The following NBPF6 variants were observed in gnomAD, a reference collection of about 807,000 sequenced individuals.
NBPF6 encodes the protein NBPF member 6.
NBPF6 carries 2 observed loss-of-function variants against 20.8 expected under a neutral mutation model. The ratio of observed to expected loss-of-function variants is 0.10; its 90% CI spans 0.04 to 0.30. NBPF6 has a LOEUF of 0.30. NBPF6 is among the 10% of genes least tolerant of loss of function. NBPF6 has a pLI of 1.00. For synonymous variants in NBPF6, 24 were observed against 100.0 expected, an observed-to-expected ratio of 0.24 and a Z score of 4.53; for missense variants, 85 against 260.3, an observed-to-expected ratio of 0.33 and a Z score of 4.63.
upstream of NBPF6, among the ~76,000 whole-genome samples, chr1:108,447,846 A>G (rs1166913028): frequency 1.4e-5 from 2 of 146,282 alleles, no homozygotes; most frequent in Admixed American, 6.7e-5. Flanking sequence ...AAGATTAAAA[A>G]CAAAAGTTTG....
chr1:108,430,182 G>A, the NBPF6 span, among the ~76,000 whole-genome samples: 6 of 33,788 alleles, frequency 1.8e-4, no homozygotes, highest in African/African-American at 3.5e-4. Context: ...CATTTGCTTG[G>A]TAAATTTTCC....
At chr1:108,447,840 T>C (rs1202421687), upstream of NBPF6, among the ~76,000 whole-genome samples, 5 of 145,704 alleles carry the variant, frequency 3.4e-5, no homozygotes, top group Non-Finnish European at 6.1e-5. Flanking sequence ...CAGACAAAGA[T>C]TAAAAACAAA....
chr1:108,438,193 TA>T, the NBPF6 span, among the ~76,000 whole-genome samples: 4 of 66,016 alleles, frequency 6.1e-5, 1 homozygote, highest in Non-Finnish European at 9.3e-5. Flanking sequence ...GTGTCAGAAA[TA>T]AAAAGTATCA....
the NBPF6 span, among the ~76,000 whole-genome samples, chr1:108,438,010 AAATC>A: frequency 1.6e-5 from 1 of 60,618 alleles, no homozygotes; most frequent in African/African-American, 6.6e-5. Flanking sequence ...GAAATAATAA[AAATC>A]AAAGCAGGAG....
Position 108,471,360 on chromosome 1 carries a change from T to C in NBPF6, c.*722T>C, listed in dbSNP as rs1301802724. Reference sequence around the variant, plus strand: ...AGCCTAAACATTTTGCCAGGAACTCTGCAGAGTCCATGCTGTGAGCTTCCT... The same window carrying C: ...AGCCTAAACATTTTGCCAGGAACTCCGCAGAGTCCATGCTGTGAGCTTCCT... On this transcript the variant is annotated 3_prime_UTR_variant, in exon 15 of 15. Coordinates refer to ENST00000495380, the MANE Select transcript of NBPF6 (RefSeq NM_001143988.2). Among the ~76,000 whole-genome samples the C allele has an allele frequency of 1.3e-5, 2 of 152,164 alleles. No individual in the cohort carries two copies. Among genetic ancestry groups the C allele is most frequent in the East Asian group, 3.8e-4 (2 of 5,196 alleles).
At chr1:108,469,769 T>A (rs1242502045) in intron 14 of NBPF6, among the ~76,000 whole-genome samples, 1 of 147,736 alleles carries the variant, frequency 6.8e-6, no homozygotes, top group Admixed American at 6.7e-5. Flanking sequence ...TTGAGTCTCT[T>A]TTTTTAAACT....
the NBPF6 span, among the ~76,000 whole-genome samples, chr1:108,437,853 A>C: frequency 2.6e-5 from 1 of 38,048 alleles, no homozygotes. Context: ...GGAGAGAAAG[A>C]GAAAGGGAGA....
chr1:108,465,310 C>G lies in NBPF6; in HGVS notation c.1546C>G (p.Leu516Val), dbSNP rs1486703527. ...CACCCTGGTGCCCAGTTGTCTGCGACTACAGCTGGATCAAGGGTTCCACTG... is the reference window on the plus strand; with the variant it reads ...CACCCTGGTGCCCAGTTGTCTGCGAGTACAGCTGGATCAAGGGTTCCACTG... ...PSTLVPSCLRLQLDQGFHCGN... is the reference protein window; with the variant it reads ...PSTLVPSCLRVQLDQGFHCGN... The change falls in exon 13 of 15, where the codon CTA (leucine) becomes GTA (valine). Residue 516 changes from leucine (L) to valine (V), a missense_variant. Leu to Val is a conservative substitution (Grantham distance 32, BLOSUM62 1). This residue lies in a region of NBPF6 where 43 missense variants were observed against 97.3 expected (regional missense o/e 0.44). Coordinates refer to ENST00000495380, the MANE Select transcript of NBPF6 (RefSeq NM_001143988.2). 1 of 1,178,424 alleles carries G rather than the reference C, an allele frequency of 8.5e-7. No individual in the cohort carries two copies. Among genetic ancestry groups the G allele is most frequent in the East Asian group, 3.1e-5 (1 of 31,988 alleles). 73.0% of individuals were successfully genotyped at this position (1,178,424 alleles called of 1,614,324 possible).
chr1:108,459,490 C>T (rs1653037418), intron 9 of NBPF6, among the ~76,000 whole-genome samples: 2 of 150,402 alleles, frequency 1.3e-5, no homozygotes, highest in Non-Finnish European at 3.0e-5. Context: ...TTATACCATG[C>T]ACAATATTGA....
intron 9 of NBPF6, among the ~76,000 whole-genome samples, chr1:108,459,677 C>T (rs1258019673): frequency 1.5e-5 from 1 of 64,664 alleles, no homozygotes; most frequent in East Asian, 4.2e-4. Flanking sequence ...ACTCAGTCTC[C>T]TTCCTCAGAA....
rs1179619304 is a variant in NBPF6 at position 108,453,008 on chromosome 1, G to GTA, written c.279-159_279-158dup. Among the ~76,000 whole-genome samples the GTA allele has an allele frequency of 6.2e-4, 37 of 59,952 alleles. 3 individuals are homozygous for GTA. The highest frequency in any genetic ancestry group is 1.2e-3 in the Admixed American group (8 of 6,572). The allele number at this position is 59,952 out of a possible 152,430, so 39.3% of individuals were successfully genotyped here. A position where few individuals can be genotyped will look rare whatever the true frequency, so the allele number is the denominator to read the frequency against. On this transcript the variant is annotated intron_variant, in intron 3 of 14. Transcript: ENST00000495380. The stretch of plus-strand genomic sequence containing the variant: ...TGTGTGTGTGTGTGTGTGTGTGTGT[G>GTA]TATATATATATATATTCTTCTTTCT...
At chr1:108,459,543 A>T (rs1440059665) in intron 9 of NBPF6, among the ~76,000 whole-genome samples, 1 of 145,328 alleles carries the variant, frequency 6.9e-6, no homozygotes, top group African/African-American at 2.5e-5. Flanking sequence ...GGATACGATT[A>T]TGCCTCAAAA....
At chr1:108,468,175 T>A (rs1489078195) in intron 14 of NBPF6, among the ~76,000 whole-genome samples, 8 of 151,424 alleles carry the variant, frequency 5.3e-5, no homozygotes, top group Non-Finnish European at 1.2e-4. Flanking sequence ...GTGTTAAAAC[T>A]AAGCACTAAG....
rs1220642862 is a variant in NBPF6 at position 108,471,165 on chromosome 1, C to T, written c.*527C>T. Among the ~76,000 whole-genome samples the T allele has an allele frequency of 6.6e-6, 1 of 152,092 alleles. No homozygotes were observed. The highest frequency in any genetic ancestry group is 1.5e-5 in the Non-Finnish European group (1 of 68,034). ...TTTTGAGTTCAAAAAGAGTAAAAAG[C>T]CTATGCAGCTTATGCTTTTTTAGTC... On this transcript the variant is annotated 3_prime_UTR_variant, in exon 15 of 15. Transcript: ENST00000495380.
rs918229149 is a variant in NBPF6 at position 108,471,645 on chromosome 1, T to C, written c.*1007T>C. On this transcript the variant is annotated 3_prime_UTR_variant, in exon 15 of 15. Transcript: ENST00000495380. ...TTATGTTTTTACATTGGAAATTGTC[T>C]TCTCAAAATTTTACTATGTACTTGT... Among the ~76,000 whole-genome samples the C allele has an allele frequency of 2.6e-5, 4 of 152,238 alleles. No homozygotes were observed. Among genetic ancestry groups the C allele is most frequent in the African/African-American group, 9.6e-5 (4 of 41,462 alleles).
At chr1:108,459,237 AC>A (rs1181147181) in intron 9 of NBPF6, 128 bp downstream of exon 9, 1 of 161,430 alleles carries the variant, frequency 6.2e-6, no homozygotes, top group Non-Finnish European at 1.2e-5. Flanking sequence ...ATCTTTTTTA[AC>A]CATGTTTTAC....
the NBPF6 span, among the ~76,000 whole-genome samples, chr1:108,441,438 A>T: frequency 1.6e-4 from 1 of 6,144 alleles, no homozygotes; most frequent in Admixed American, 1.7e-3. Context: ...TAGGAATGGT[A>T]AGAGTGGGCA....
intron 9 of NBPF6, among the ~76,000 whole-genome samples, chr1:108,459,473 A>T (rs1653035328): frequency 6.6e-6 from 1 of 150,662 alleles, no homozygotes; most frequent in Admixed American, 6.6e-5. Context: ...GGTAGAAAAA[A>T]TTATTGTTAT....
intron 14 of NBPF6, 142 bp downstream of exon 14, chr1:108,467,807 C>T (rs1653223709): frequency 9.8e-7 from 1 of 1,018,658 alleles, no homozygotes; most frequent in Non-Finnish European, 1.4e-6. Context: ...GCTCTGTGTC[C>T]CATGGGCTCC....
Sources: allele counts gnomAD v4.1 joint callset (sites outside exome capture counted in the v4.1 genomes callset), GRCh38; gene constraint gnomAD v4.1.1; regional missense constraint gnomAD v4.1.1; transcripts MANE v1.5; gene names NCBI Gene and HGNC (gene_info 2026-07-23, HGNC 2026-07-21).